Variants in PTPRD observed in about 807,000 individuals in gnomAD.
PTPRD encodes the protein protein tyrosine phosphatase receptor type D.
PTPRD carries 34 observed loss-of-function variants against 214.5 expected under a neutral mutation model. The ratio of observed to expected loss-of-function variants is 0.16; its 90% CI spans 0.12 to 0.21. PTPRD has a LOEUF of 0.21. Ranked by LOEUF, PTPRD falls within the 10% of genes least tolerant of loss-of-function variation. PTPRD has a pLI of 1.00. For missense variants in PTPRD, 2,545 were observed against 2,398.7 expected, an observed-to-expected ratio of 1.06 and a Z score of -1.27; for synonymous variants, 1,128 against 845.7, an observed-to-expected ratio of 1.33 and a Z score of -5.79.
At chr9:10,171,959 T>A (rs1275903079) in intron 3 of PTPRD, among the ~76,000 whole-genome samples, 1 of 152,198 alleles carries the variant, frequency 6.6e-6, no homozygotes, top group Non-Finnish European at 1.5e-5. Context: ...TGGTGTTATA[T>A]TTTCCTTGGT....
chr9:9,910,100 T>C (rs1472974208), intron 5 of PTPRD, among the ~76,000 whole-genome samples: 4 of 151,968 alleles, frequency 2.6e-5, no homozygotes, highest in South Asian at 4.1e-4. Flanking sequence ...TGGTCAAGTT[T>C]GTACCTCAGC....
rs539088745 is a variant in PTPRD at position 9,452,745 on chromosome 9, T to G, written c.-236-55263A>C. On this transcript the variant is annotated intron_variant, in intron 8 of 45. Transcript: ENST00000381196. ...TCAGATATATCACATAATTATAATA[T>G]GAAGTTCACATATCCCTAAAGGAAA... Among the ~76,000 whole-genome samples the G allele has an allele frequency of 5.9e-5, 9 of 151,430 alleles. No individual in the cohort carries two copies. In the East Asian group the frequency reaches 1.6e-3, roughly 26 times the overall value.
intron 44 of PTPRD, among the ~76,000 whole-genome samples, chr9:8,321,502 TATATATATATATATATATATATATAAAA>T (rs1827887249): frequency 2.3e-5 from 2 of 87,140 alleles, no homozygotes; most frequent in African/African-American, 1.5e-4. Flanking sequence ...TATATATATA[TATATATATATATATATATATATATAAAA>T]GGTATATGCA....
At chr9:9,717,018 G>T (rs1463468752) in intron 7 of PTPRD, among the ~76,000 whole-genome samples, 5 of 152,198 alleles carry the variant, frequency 3.3e-5, no homozygotes, top group African/African-American at 1.2e-4. Context: ...ATCTTGAATT[G>T]ATTTTTGTAT....
At chr9:10,344,007 T>TTTTTTTTTG (rs1253555165) in intron 2 of PTPRD, among the ~76,000 whole-genome samples, 7 of 139,488 alleles carry the variant, frequency 5.0e-5, no homozygotes, top group South Asian at 2.2e-4. Context: ...TTTTTTTTTT[T>TTTTTTTTTG]GCTGTGCAGA....
At chr9:8,710,976 ATTAAT>A (rs2098322058) in intron 12 of PTPRD, among the ~76,000 whole-genome samples, 1 of 152,162 alleles carries the variant, frequency 6.6e-6, no homozygotes, top group Non-Finnish European at 1.5e-5. Context: ...AGTTTGGGAA[ATTAAT>A]TTAAACTCCA....
chr9:8,603,124 C>T (rs62530700), intron 14 of PTPRD, among the ~76,000 whole-genome samples: 16,570 of 152,188 alleles, frequency 0.11, 923 homozygotes, highest in East Asian at 0.18. Context: ...TGGAAGTATA[C>T]TATAATCCTT....
At chr9:9,380,532 G>A (rs1024704628) in intron 9 of PTPRD, among the ~76,000 whole-genome samples, 1 of 152,008 alleles carries the variant, frequency 6.6e-6, no homozygotes, top group Non-Finnish European at 1.5e-5. Flanking sequence ...AGTTTGATTT[G>A]TGATATGAAA....
At chr9:9,134,704 C>A (rs1324656926) in intron 10 of PTPRD, among the ~76,000 whole-genome samples, 1 of 152,132 alleles carries the variant, frequency 6.6e-6, no homozygotes, top group African/African-American at 2.4e-5. Context: ...CTTCATAGCA[C>A]TTTTCATCAT....
chr9:9,678,584 C>A (rs2096987741), intron 7 of PTPRD, among the ~76,000 whole-genome samples: 1 of 151,722 alleles, frequency 6.6e-6, no homozygotes, highest in Admixed American at 6.6e-5. Flanking sequence ...TAGTGAACAT[C>A]ATTATTAATA....
intron 44 of PTPRD, among the ~76,000 whole-genome samples, chr9:8,326,805 A>C (rs1193857605): frequency 6.7e-6 from 1 of 149,968 alleles, no homozygotes; most frequent in Non-Finnish European, 1.5e-5. Context: ...CGTCTCCAGG[A>C]ATTTATCCAT....
At chr9:8,914,043 C>T (rs972148347) in intron 11 of PTPRD, among the ~76,000 whole-genome samples, 3 of 152,114 alleles carry the variant, frequency 2.0e-5, no homozygotes, top group Non-Finnish European at 2.9e-5. Flanking sequence ...ATTAATTATA[C>T]AATCAGACTA....
chr9:10,139,251 G>T (rs1235071818), intron 3 of PTPRD, among the ~76,000 whole-genome samples: 9 of 150,828 alleles, frequency 6.0e-5, no homozygotes, highest in Non-Finnish European at 3.0e-5. Flanking sequence ...CAAGCCGAGA[G>T]ACAAATTAAG....
rs528885353 is a variant in PTPRD, at chr9:9,247,974, G to C, written c.-202-64611C>G. 6.6e-5 allele frequency among the ~76,000 whole-genome samples: 10 copies of C among 152,162 alleles called. No homozygotes were observed. The South Asian group carries it at 1.5e-3, about 22-fold the overall frequency. ...TAATTTCCTATGAAAGGTAGCTCTT[G>C]AGGGTGGAATCTGTGTTCATGATTC... On this transcript the variant is annotated intron_variant, in intron 9 of 45. Transcript: ENST00000381196.
intron 9 of PTPRD, among the ~76,000 whole-genome samples, chr9:9,377,453 G>A (rs1468328845): frequency 1.3e-5 from 2 of 152,048 alleles, no homozygotes; most frequent in African/African-American, 2.4e-5. Context: ...TTAATTTGTT[G>A]AGAACTTAGT....
intron 11 of PTPRD, among the ~76,000 whole-genome samples, chr9:8,832,387 A>C (rs957195154): frequency 1.3e-5 from 2 of 149,868 alleles, no homozygotes; most frequent in African/African-American, 4.9e-5. Flanking sequence ...GTCAAATGTA[A>C]AGCAAGGGGC....
At chr9:9,387,448 A>G (rs1262296204) in intron 9 of PTPRD, among the ~76,000 whole-genome samples, 2 of 152,110 alleles carry the variant, frequency 1.3e-5, no homozygotes, top group Non-Finnish European at 2.9e-5. Context: ...TTTTATACCT[A>G]GAGTACAGAC....
At chr9:9,375,486 C>G (rs2060539465) in intron 9 of PTPRD, among the ~76,000 whole-genome samples, 1 of 152,060 alleles carries the variant, frequency 6.6e-6, no homozygotes, top group Non-Finnish European at 1.5e-5. Flanking sequence ...ATCCCAGCTA[C>G]TCGGGAGGCT....
chr9:8,797,572 A>T (rs1399012861), intron 11 of PTPRD, among the ~76,000 whole-genome samples: 1 of 152,302 alleles, frequency 6.6e-6, no homozygotes, highest in Non-Finnish European at 1.5e-5. Flanking sequence ...TATCTTGCTT[A>T]TCAAACATCC....
Sources: gnomAD v4.1 joint callset for allele counts (sites outside exome capture counted in the v4.1 genomes callset) on GRCh38, gnomAD v4.1.1 for gene constraint, MANE v1.5 for transcripts, NCBI Gene and HGNC (gene_info 2026-07-23, HGNC 2026-07-21) for gene names.